Variants in CPLANE1 observed in about 807,000 individuals in gnomAD.
CPLANE1 encodes ciliogenesis and planar polarity effector complex subunit 1.
A neutral mutation model predicts 362.5 loss-of-function variants in CPLANE1; 263 were observed. The observed-to-expected ratio is 0.73, with a 90% confidence interval of 0.66 to 0.80. CPLANE1 has a LOEUF of 0.80. Among genes scored for constraint, CPLANE1 ranks in the 30% least tolerant of loss-of-function variants. The probability of loss-of-function intolerance (pLI) is 0.00; values close to 1 mark genes in which losing one functional copy is unlikely to be tolerated. For synonymous variants in CPLANE1, 1,212 were observed against 1,302.6 expected, an observed-to-expected ratio of 0.93 and a Z score of 1.50; for missense variants, 3,461 against 3,793.4, an observed-to-expected ratio of 0.91 and a Z score of 2.30.
Position 37,226,833 on chromosome 5 carries a change from C to T in CPLANE1, c.1762G>A (p.Val588Met), listed in dbSNP as rs2150439978. 1 of 1,550,476 alleles carries T rather than the reference C, an allele frequency of 6.4e-7. No homozygotes were observed. Among genetic ancestry groups the T allele is most frequent in the African/African-American group, 1.4e-5 (1 of 73,076 alleles). ...TTTAACATTAAATTTTTTTCTGTCA[C>T]AGTTTTTGAAATTCCTATAGTCCAC... ...AAWTIGISKT[V>M]TEKNLMLNYI... Residue 588 changes from valine (V) to methionine (M), a missense_variant, in exon 12 of 53, where the codon GTG becomes ATG. Val to Met is a conservative substitution (Grantham distance 21). Coordinates refer to ENST00000651892, the MANE Select transcript of CPLANE1 (RefSeq NM_001384732.1).
intron 46 of CPLANE1, among the ~76,000 whole-genome samples, chr5:37,131,703 T>C (rs1765868795): frequency 6.6e-6 from 1 of 152,108 alleles, no homozygotes; most frequent in Non-Finnish European, 1.5e-5. Context: ...GCTAATTTTT[T>C]GTATTTTCAG....
chr5:37,246,152 C>CT (rs11299594), intron 2 of CPLANE1: 7 of 130,096 alleles, frequency 5.4e-5, no homozygotes, highest in East Asian at 4.3e-4. Flanking sequence ...ACTTTTTAAT[C>CT]TTTTTTTTTT....
At chr5:37,124,119 T>G (rs1323571503) in intron 47 of CPLANE1, among the ~76,000 whole-genome samples, 1 of 152,206 alleles carries the variant, frequency 6.6e-6, no homozygotes, top group Admixed American at 6.6e-5. Flanking sequence ...TTGCACACTT[T>G]AAACAATAGT....
rs530061468 is a variant in CPLANE1 at position 37,176,835 on chromosome 5, T to C, written c.5900+786A>G. The stretch of plus-strand genomic sequence containing the variant: ...GTGCAGTGGCCTGATCTCGGCTCAC[T>C]GCAAGCTCCGCCTCCCCGGGTCATG... On this transcript the variant is annotated intron_variant, in intron 30 of 52. Transcript: ENST00000651892. Among the ~76,000 whole-genome samples, 7 of 151,480 alleles carry C rather than the reference T, an allele frequency of 4.6e-5. No homozygotes were observed. In the East Asian group the frequency reaches 1.4e-3, roughly 30 times the overall value.
intron 51 of CPLANE1, among the ~76,000 whole-genome samples, chr5:37,114,077 C>T (rs1760169684): frequency 6.6e-6 from 1 of 152,168 alleles, no homozygotes; most frequent in South Asian, 2.1e-4. Flanking sequence ...TCCCAAAGTG[C>T]TAGGATTATA....
At chr5:37,224,946 C>T (rs1039203265) in intron 12 of CPLANE1, among the ~76,000 whole-genome samples, 82 of 131,308 alleles carry the variant, frequency 6.2e-4, no homozygotes, top group African/African-American at 2.2e-3. Flanking sequence ...CACCTGTAAT[C>T]TTTTTTTTTT....
chr5:37,119,101 T>C (rs1197839485), intron 50 of CPLANE1, among the ~76,000 whole-genome samples: 1 of 152,238 alleles, frequency 6.6e-6, no homozygotes, highest in Non-Finnish European at 1.5e-5. Flanking sequence ...AATAACTATG[T>C]TTTACTTAAG....
chr5:37,138,838 G>A lies in CPLANE1; in HGVS notation c.8674C>T (p.His2892Tyr), dbSNP rs201404524. 80 of 1,604,396 alleles carry A rather than the reference G, an allele frequency of 5.0e-5. No individual in the cohort carries two copies. The East Asian group carries it at 1.1e-3, about 22-fold the overall frequency. Reference sequence around the variant, plus strand: ...GTCAATCCAGTCATCTGGAGCGGATGTACTGAAACACTTCATTTGCAAATG... The same window carrying A: ...GTCAATCCAGTCATCTGGAGCGGATATACTGAAACACTTCATTTGCAAATG... ...SDELCESVSVHPLQMTGLTDI... is the reference protein window; with the variant it reads ...SDELCESVSVYPLQMTGLTDI... The change falls in exon 46 of 53, where the codon CAT becomes TAT. Residue 2892 changes from histidine to tyrosine, a missense_variant. His to Tyr is a moderately conservative substitution (Grantham distance 83). Coordinates refer to ENST00000651892, the MANE Select transcript of CPLANE1 (RefSeq NM_001384732.1).
intron 30 of CPLANE1, among the ~76,000 whole-genome samples, chr5:37,177,118 T>C (rs1314417689): frequency 6.6e-6 from 1 of 152,160 alleles, no homozygotes; most frequent in Non-Finnish European, 1.5e-5. Context: ...TCTAAAGATT[T>C]AGAAATCATG....
chr5:37,082,025 G>A, the CPLANE1 span, among the ~76,000 whole-genome samples: 2 of 151,560 alleles, frequency 1.3e-5, no homozygotes, highest in Non-Finnish European at 2.9e-5. Flanking sequence ...CCTGGGAGGC[G>A]GAGGTTGCAG....
chr5:37,211,912 T>G, intron 16 of CPLANE1: 1 of 792,206 alleles, frequency 1.3e-6, no homozygotes. Flanking sequence ...GCCGGGGATA[T>G]GCTTCATATG....
Position 37,195,899 on chromosome 5 carries a change from G to C in CPLANE1, c.3770C>G (p.Ala1257Gly). The change falls in exon 21 of 53, where the codon GCT (alanine) becomes GGT (glycine). Residue 1257 changes from alanine to glycine, a missense_variant. Around this residue, in one of 2 missense-constraint regions of CPLANE1, gnomAD observed 3,380 missense variants for 3,666.1 expected, o/e 0.92. Transcript: ENST00000651892. ...GGIAFFRPGA[A>G]GDHKLDEVSI... is the part of the protein sequence containing the mutation. Reference sequence around the variant, plus strand: ...AACTTCATCAAGCTTGTGGTCTCCAGCTGCTCCAGGTCTAAAAAATGCGAT... The same window carrying C: ...AACTTCATCAAGCTTGTGGTCTCCACCTGCTCCAGGTCTAAAAAATGCGAT... 1 of 1,613,294 alleles carries C rather than the reference G, an allele frequency of 6.2e-7. No homozygotes were observed. The highest frequency in any genetic ancestry group is 1.3e-5 in the African/African-American group (1 of 74,966).
chr5:37,212,378 G>A (rs1792861154), intron 16 of CPLANE1: 2 of 814,344 alleles, frequency 2.5e-6, no homozygotes, highest in Admixed American at 3.4e-5. Context: ...ATGACTCTTG[G>A]TAACCATGTT....
chr5:37,230,691 T>G (rs544181978), intron 9 of CPLANE1, among the ~76,000 whole-genome samples, 176 bp downstream of exon 9: 94 of 152,086 alleles, frequency 6.2e-4, no homozygotes, highest in South Asian at 1.5e-3. Flanking sequence ...TTCACCAGGA[T>G]TAAGCCACAA....
chr5:37,206,129 G>A, intron 17 of CPLANE1, 68 bp downstream of exon 17: 1 of 1,022,458 alleles, frequency 9.8e-7, no homozygotes, highest in Non-Finnish European at 1.5e-6. Flanking sequence ...GTAAATACCA[G>A]CAATAAGAGA....
chr5:37,207,286 T>C lies in CPLANE1; in HGVS notation c.2921-861A>G, dbSNP rs186273652. On this transcript the variant is annotated intron_variant, in intron 16 of 52. Transcript: ENST00000651892. ...AATGGTGAGTTTCTCACATGACCTA[T>C]ACAGGCTATGCCTACTGCAAGAACT... Among the ~76,000 whole-genome samples the C allele has an allele frequency of 1.2e-4, 19 of 152,352 alleles. No individual in the cohort carries two copies. In the East Asian group the frequency reaches 3.3e-3, roughly 26 times the overall value.
At chr5:37,238,315 G>C (rs1046703619) in intron 8 of CPLANE1, among the ~76,000 whole-genome samples, 1 of 151,890 alleles carries the variant, frequency 6.6e-6, no homozygotes, top group Non-Finnish European at 1.5e-5. Flanking sequence ...TGGGACTACA[G>C]GAACATGCCA....
chr5:37,085,299 C>T, the CPLANE1 span: 3 of 1,044,990 alleles, frequency 2.9e-6, no homozygotes, highest in South Asian at 2.5e-5. Context: ...TATAACCTAC[C>T]CTGCTGGATT....
intron 19 of CPLANE1, among the ~76,000 whole-genome samples, chr5:37,199,771 C>T (rs1257378186): frequency 6.6e-6 from 1 of 152,198 alleles, no homozygotes; most frequent in African/African-American, 2.4e-5. Flanking sequence ...CCATCTCCTA[C>T]ATGGCTCATA....
Sources: gnomAD v4.1 joint callset for allele counts (sites outside exome capture counted in the v4.1 genomes callset) on GRCh38, gnomAD v4.1.1 for gene constraint, gnomAD v4.1.1 regional missense constraint, MANE v1.5 for transcripts, NCBI Gene and HGNC (gene_info 2026-07-23, HGNC 2026-07-21) for gene names.